The following STAU2 variants were observed in gnomAD, a reference collection of about 807,000 sequenced individuals.
STAU2 encodes double-stranded RNA-binding protein Staufen homolog 2.
In STAU2, 20 loss-of-function variants were observed where a neutral mutation model predicts 65.9. The ratio of observed to expected loss-of-function variants is 0.30; its 90% confidence interval spans 0.21 to 0.44. The LOEUF is 0.44. Among genes scored for constraint, STAU2 ranks in the 20% least tolerant of loss-of-function variants. The pLI, the probability that STAU2 is intolerant of heterozygous loss-of-function variation, is 1.00. For synonymous variants in STAU2, 232 were observed against 233.9 expected, an observed-to-expected ratio of 0.99 and a Z score of 0.07; for missense variants, 558 against 683.9, an observed-to-expected ratio of 0.82 and a Z score of 2.05.
intron 4 of STAU2, among the ~76,000 whole-genome samples, chr8:73,689,782 T>C (rs1819197049): frequency 6.6e-6 from 1 of 152,034 alleles, no homozygotes; most frequent in African/African-American, 2.4e-5. Flanking sequence ...AGATAGAAAA[T>C]ACCTTCACTA....
At chr8:73,492,690 A>C (rs1821208074) in intron 13 of STAU2, among the ~76,000 whole-genome samples, 1 of 151,858 alleles carries the variant, frequency 6.6e-6, no homozygotes, top group Non-Finnish European at 1.5e-5. Context: ...TCTAATGCAA[A>C]GGTTGATGGG....
chr8:73,434,913 A>T (rs537281663), intron 13 of STAU2, among the ~76,000 whole-genome samples: 1 of 151,928 alleles, frequency 6.6e-6, no homozygotes, highest in African/African-American at 2.4e-5. Context: ...ATCACATTCC[A>T]TATCTTTGCC....
intron 1 of STAU2, among the ~76,000 whole-genome samples, chr8:73,741,344 T>C (rs1200445166): frequency 1.3e-5 from 2 of 150,980 alleles, no homozygotes; most frequent in Non-Finnish European, 2.9e-5. Flanking sequence ...TTCACCAACT[T>C]TGAAAAACTC....
intron 13 of STAU2, among the ~76,000 whole-genome samples, chr8:73,510,110 C>T (rs1047978568): frequency 9.9e-5 from 15 of 152,070 alleles, no homozygotes; most frequent in African/African-American, 3.6e-4. Context: ...TCTTGTTGCC[C>T]AGGCTGGAGA....
At chr8:73,504,756 T>C (rs1821965715) in intron 13 of STAU2, among the ~76,000 whole-genome samples, 1 of 152,214 alleles carries the variant, frequency 6.6e-6, no homozygotes, top group Non-Finnish European at 1.5e-5. Context: ...GGATTTTATA[T>C]AGATTTTTAA....
At chr8:73,437,354 A>C (rs188694035) in intron 13 of STAU2, among the ~76,000 whole-genome samples, 4 of 152,272 alleles carry the variant, frequency 2.6e-5, no homozygotes, top group African/African-American at 9.6e-5. Flanking sequence ...AGAGATAGAG[A>C]CATGATGATC....
Position 73,420,597 on chromosome 8 carries a change from G to A in STAU2, c.*775C>T, listed in dbSNP as rs1438530070. The A allele has an allele frequency of 1.1e-5, 2 of 179,126 alleles. No individual in the cohort carries two copies. The highest frequency in any genetic ancestry group is 2.7e-4 in the East Asian group (2 of 7,474). 11.1% of individuals were successfully genotyped at this position (179,126 alleles called of 1,614,324 possible). A position where few individuals can be genotyped will look rare whatever the true frequency, so the allele number is the denominator to read the frequency against. On this transcript the variant is annotated 3_prime_UTR_variant, in exon 15 of 15. Transcript: ENST00000524300. Reference sequence around the variant, plus strand: ...ACAACACACGGATGGGGGTGGGCGCGATTCCCACAACAGGGAGTGGAATCC... The same window carrying A: ...ACAACACACGGATGGGGGTGGGCGCAATTCCCACAACAGGGAGTGGAATCC...
intron 12 of STAU2, among the ~76,000 whole-genome samples, chr8:73,560,084 T>A (rs866052846): frequency 0.035 from 4,980 of 142,956 alleles, 217 homozygotes; most frequent in Admixed American, 0.12. Flanking sequence ...GATTTTTTTT[T>A]TTTTTTTTTT....
chr8:73,668,530 T>A lies in STAU2; in HGVS notation c.410+4577A>T, dbSNP rs115575435. 9.8e-3 allele frequency among the ~76,000 whole-genome samples: 1,496 copies of A among 152,298 alleles called. 26 individuals carry two copies. The highest frequency in any genetic ancestry group is 0.035 in the African/African-American group (1,434 of 41,562). On this transcript the variant is annotated intron_variant, in intron 6 of 14. Coordinates refer to ENST00000524300, the MANE Select transcript of STAU2 (RefSeq NM_001164380.2). ...TGAAAAACTGTCTAAATTCAGCCAT[T>A]CTATTTCTCTAATGTACATAATTTT...
At chr8:73,576,353 G>A (rs1191617585) in intron 12 of STAU2, among the ~76,000 whole-genome samples, 1 of 151,944 alleles carries the variant, frequency 6.6e-6, no homozygotes, top group African/African-American at 2.4e-5. Context: ...TGGGGGGCGG[G>A]AGAGGGCAGA....
chr8:73,711,337 G>C (rs1275027544), intron 3 of STAU2, among the ~76,000 whole-genome samples: 2 of 152,020 alleles, frequency 1.3e-5, no homozygotes, highest in Admixed American at 6.6e-5. Context: ...AATCAGTTTT[G>C]GCCTTTGCAT....
chr8:73,743,774 AT>A (rs202012327), intron 1 of STAU2, among the ~76,000 whole-genome samples: 24,704 of 123,336 alleles, frequency 0.2, 2,249 homozygotes, highest in East Asian at 0.36. Flanking sequence ...ATGCCCGGAC[AT>A]TTTTTTTTTT....
chr8:73,442,180 C>G (rs1436877892), intron 13 of STAU2, among the ~76,000 whole-genome samples: 1 of 151,836 alleles, frequency 6.6e-6, no homozygotes, highest in African/African-American at 2.4e-5. Flanking sequence ...TGGTGAAACC[C>G]CTTCTCTACT....
chr8:73,626,728 C>A (rs1161414153), intron 6 of STAU2, among the ~76,000 whole-genome samples: 2 of 152,176 alleles, frequency 1.3e-5, no homozygotes, highest in Non-Finnish European at 2.9e-5. Flanking sequence ...GTCAGAGGAG[C>A]TGGAATTAAC....
chr8:73,428,872 A>G (rs998267166), intron 13 of STAU2, among the ~76,000 whole-genome samples: 9 of 152,108 alleles, frequency 5.9e-5, no homozygotes, highest in Admixed American at 3.9e-4. Flanking sequence ...GCTCTTGCAA[A>G]ATCTCCTGGA....
intron 4 of STAU2, among the ~76,000 whole-genome samples, chr8:73,701,609 G>C (rs558161814): frequency 6.6e-6 from 1 of 152,054 alleles, no homozygotes; most frequent in Non-Finnish European, 1.5e-5. Flanking sequence ...TGGAGAAAAG[G>C]GTACCCTCAT....
intron 11 of STAU2, among the ~76,000 whole-genome samples, chr8:73,592,834 G>A (rs376912085): frequency 7.2e-4 from 109 of 152,222 alleles, no homozygotes; most frequent in African/African-American, 2.6e-3. Context: ...ACTCCAGCCT[G>A]GGTGACAGAG....
chr8:73,491,857 T>C (rs930544392), intron 13 of STAU2, among the ~76,000 whole-genome samples: 4 of 151,988 alleles, frequency 2.6e-5, no homozygotes, highest in South Asian at 2.1e-4. Context: ...TCAAAATTAG[T>C]ACACTAAACT....
intron 13 of STAU2, chr8:73,527,649 A>G: frequency 2.7e-6 from 4 of 1,462,276 alleles, no homozygotes; most frequent in Non-Finnish European, 3.7e-6. Context: ...TCCATTTCCG[A>G]GCTGGGCCAT....
Sources: gnomAD v4.1 joint callset for allele counts (sites outside exome capture counted in the v4.1 genomes callset) on GRCh38, gnomAD v4.1.1 for gene constraint, MANE v1.5 for transcripts, NCBI Gene and HGNC (gene_info 2026-07-23, HGNC 2026-07-21) for gene names.